SLC24A3: variants seen among roughly 807,000 people sequenced by gnomAD.
The protein encoded by SLC24A3 is solute carrier family 24 member 3.
Under a neutral mutation model 75.8 loss-of-function variants are expected in SLC24A3, and 28 were observed. The ratio of observed to expected loss-of-function variants is 0.37; its 90% CI spans 0.27 to 0.51. SLC24A3 has a LOEUF of 0.51. SLC24A3 is among the 20% of genes least tolerant of loss of function. The probability of loss-of-function intolerance (pLI) is 0.94; values close to 1 mark genes in which losing one functional copy is unlikely to be tolerated. For synonymous variants in SLC24A3, 372 were observed against 334.1 expected (o/e 1.11, Z -1.24); for missense variants, 663 against 847.8 (o/e 0.78, Z 2.71).
chr20:19,222,783 C>CCCTT (rs71198012), intron 1 of SLC24A3, among the ~76,000 whole-genome samples: 2,399 of 75,818 alleles, frequency 0.032, 82 homozygotes, highest in East Asian at 0.066. Context: ...TCCCCTCCCT[C>CCCTT]CCTTCCTTCC....
At chr20:19,537,341 C>T (rs2030417364) in intron 3 of SLC24A3, among the ~76,000 whole-genome samples, 1 of 152,164 alleles carries the variant, frequency 6.6e-6, no homozygotes, top group African/African-American at 2.4e-5. Context: ...CATCTCACTC[C>T]AATTAGAATG....
At chr20:19,530,446 C>T (rs999769475) in intron 3 of SLC24A3, among the ~76,000 whole-genome samples, 4 of 152,170 alleles carry the variant, frequency 2.6e-5, no homozygotes, top group Admixed American at 2.6e-4. Context: ...ATGTCAGTAG[C>T]AACAACTTGT....
chr20:19,537,205 A>T (rs1362931107), intron 3 of SLC24A3, among the ~76,000 whole-genome samples: 1 of 152,216 alleles, frequency 6.6e-6, no homozygotes, highest in Non-Finnish European at 1.5e-5. Context: ...CCCCATCAAA[A>T]AGTGGGCGAA....
At chr20:19,447,180 G>A (rs749222498) in intron 2 of SLC24A3, among the ~76,000 whole-genome samples, 1 of 152,140 alleles carries the variant, frequency 6.6e-6, no homozygotes, top group Non-Finnish European at 1.5e-5. Context: ...TGTGAAATCT[G>A]GGAATACTTA....
In SLC24A3 at chr20:19,462,109, G is replaced by A. The variant is rs148757767; in HGVS notation, c.272-53379G>A. Among the ~76,000 whole-genome samples, 1,380 of 152,208 alleles carry A rather than the reference G, an allele frequency of 9.1e-3. 22 individuals carry two copies. The highest frequency in any genetic ancestry group is 0.032 in the African/African-American group (1,321 of 41,512). ...TAAGTGCATGTTGCAGAGGTTTGGT[G>A]TACACATTATCTCGTGTCTTAAATC... On this transcript the variant is annotated intron_variant, in intron 2 of 16. Transcript: ENST00000328041.
chr20:19,342,158 T>C (rs1440412426), intron 2 of SLC24A3, among the ~76,000 whole-genome samples: 1 of 152,266 alleles, frequency 6.6e-6, no homozygotes, highest in African/African-American at 2.4e-5. Context: ...TGGTTCCCTT[T>C]TGCCAGTCTT....
At chr20:19,580,675 G>C (rs1223194231) in intron 4 of SLC24A3, among the ~76,000 whole-genome samples, 1 of 152,204 alleles carries the variant, frequency 6.6e-6, no homozygotes, top group East Asian at 1.9e-4. Flanking sequence ...AGCAGATCTA[G>C]AACTCTTTCA....
intron 2 of SLC24A3, among the ~76,000 whole-genome samples, chr20:19,286,540 A>G (rs1033645628): frequency 1.3e-5 from 2 of 152,186 alleles, no homozygotes; most frequent in African/African-American, 4.8e-5. Flanking sequence ...TTTTACATGA[A>G]AAAAACAAGA....
intron 1 of SLC24A3, among the ~76,000 whole-genome samples, chr20:19,258,244 C>T (rs1343233348): frequency 6.6e-6 from 1 of 152,198 alleles, no homozygotes; most frequent in African/African-American, 2.4e-5. Context: ...TTCTTCCCAC[C>T]CCATGAGCTC....
intron 2 of SLC24A3, among the ~76,000 whole-genome samples, chr20:19,452,843 CA>C (rs1348245672): frequency 6.6e-6 from 1 of 151,654 alleles, no homozygotes; most frequent in African/African-American, 2.4e-5. Flanking sequence ...AACAAGACCC[CA>C]TCTCTACAAA....
At chr20:19,653,693 C>T (rs2032233048) in intron 6 of SLC24A3, among the ~76,000 whole-genome samples, 1 of 152,118 alleles carries the variant, frequency 6.6e-6, no homozygotes, top group Non-Finnish European at 1.5e-5. Flanking sequence ...TTGAGGGTTC[C>T]CTGGGCCTCA....
intron 2 of SLC24A3, among the ~76,000 whole-genome samples, chr20:19,424,144 G>A (rs1986961007): frequency 6.6e-6 from 1 of 152,168 alleles, no homozygotes; most frequent in Non-Finnish European, 1.5e-5. Context: ...ATAAAGCTGA[G>A]AGATTAAGCA....
chr20:19,556,952 A>G (rs1212899419), intron 3 of SLC24A3, among the ~76,000 whole-genome samples: 1 of 152,166 alleles, frequency 6.6e-6, no homozygotes, highest in Non-Finnish European at 1.5e-5. Context: ...AGTCTTCTCC[A>G]TGGTCTGACT....
chr20:19,304,665 A>G (rs544065022), intron 2 of SLC24A3, among the ~76,000 whole-genome samples: 30 of 152,286 alleles, frequency 2.0e-4, no homozygotes, highest in African/African-American at 7.2e-4. Flanking sequence ...CCCCTTCTTA[A>G]AAGAACATGA....
At chr20:19,598,997 A>G (rs1293400342) in intron 6 of SLC24A3, among the ~76,000 whole-genome samples, 1 of 152,076 alleles carries the variant, frequency 6.6e-6, no homozygotes, top group African/African-American at 2.4e-5. Context: ...ATGAATAGCT[A>G]ATCTTTACTG....
rs77304993 is a variant in SLC24A3, at chr20:19,456,232, A to G, written c.272-59256A>G. On this transcript the variant is annotated intron_variant, in intron 2 of 16. Coordinates refer to ENST00000328041, the MANE Select transcript of SLC24A3 (RefSeq NM_020689.4). The stretch of plus-strand genomic sequence containing the variant: ...GACCTTTTATTCCTTCCAGGAGGAG[A>G]CATACAACCAGATATGGTTTGGCTA... Among the ~76,000 whole-genome samples the G allele has an allele frequency of 9.3e-3, 1,416 of 152,300 alleles. 15 individuals are homozygous for G. The highest frequency in any genetic ancestry group is 0.025 in the South Asian group (120 of 4,830).
chr20:19,480,015 G>A (rs1276435533), intron 2 of SLC24A3, among the ~76,000 whole-genome samples: 1 of 152,214 alleles, frequency 6.6e-6, no homozygotes, highest in Non-Finnish European at 1.5e-5. Context: ...CTGTTGTGAT[G>A]CATATTTCAT....
At chr20:19,682,090 T>C in intron 10 of SLC24A3, 99 bp downstream of exon 10, 11 of 1,339,018 alleles carry the variant, frequency 8.2e-6, no homozygotes, top group Non-Finnish European at 1.1e-5. Context: ...CCATCTTTAC[T>C]AAAAATACAA....
In SLC24A3 at chr20:19,684,356, C is replaced by A. The variant is rs1431042103; in HGVS notation, c.1062+20C>A. 6.2e-7 allele frequency: 1 copy of A among 1,607,378 alleles called. No homozygotes were observed. Among genetic ancestry groups the A allele is most frequent in the Non-Finnish European group, 8.5e-7 (1 of 1,176,066 alleles). ...AATGAGGTACCTGGGAAAGCACTGT[C>A]CACTGCCCACTGGACAGGGGTGGGA... On this transcript the variant is annotated intron_variant, in intron 11 of 16. Transcript: ENST00000328041.
Sources: gnomAD v4.1 joint callset for allele counts (sites outside exome capture counted in the v4.1 genomes callset) on GRCh38, gnomAD v4.1.1 for gene constraint, MANE v1.5 for transcripts, NCBI Gene and HGNC (gene_info 2026-07-23, HGNC 2026-07-21) for gene names.